The following NOL8 variants were observed in gnomAD, a reference collection of about 807,000 sequenced individuals.
NOL8 encodes the protein nucleolar protein Nop132.
NOL8 carries 93 observed loss-of-function variants against 116.1 expected under a neutral mutation model. That is an observed-to-expected ratio of 0.80 (90% CI 0.68 to 0.95). The LOEUF is 0.95. Among genes scored for constraint, NOL8 ranks in the 40% least tolerant of loss-of-function variants. The probability of loss-of-function intolerance (pLI) is 0.00; values close to 1 mark genes in which losing one functional copy is unlikely to be tolerated. For missense variants in NOL8, 1,291 were observed against 1,382.8 expected (o/e 0.93, Z 1.05); for synonymous variants, 419 against 469.0 (o/e 0.89, Z 1.38).
rs1564228094 is a variant in NOL8 at position 92,314,678 on chromosome 9, G to A, written c.1947C>T (p.Thr649=). 2 of 1,613,684 alleles carry A rather than the reference G, an allele frequency of 1.2e-6. No individual in the cohort carries two copies. Among genetic ancestry groups the A allele is most frequent in the South Asian group, 1.1e-5 (1 of 90,992 alleles). ...PNYIQPQKRQ[T]TFESQDRKAV... ...CCTTGCGATCCTGGCTTTCAAAAGT[G>A]GTCTGTCTTTTTTGAGGCTGAATAT... The change falls in exon 7 of 17, where the codon ACC becomes ACT. Residue 649 remains threonine, a synonymous_variant. Coordinates refer to ENST00000442668, the MANE Select transcript of NOL8 (RefSeq NM_017948.6).
At chr9:92,323,359 G>C (rs953991579) in intron 3 of NOL8, 82 bp downstream of exon 3, 16 of 1,542,312 alleles carry the variant, frequency 1.0e-5, no homozygotes, top group Non-Finnish European at 1.4e-5. Context: ...TGGCTGTGGA[G>C]GTTTAGATTT....
intron 4 of NOL8, chr9:92,320,002 C>A (rs766900629): frequency 2.2e-6 from 1 of 449,756 alleles, no homozygotes; most frequent in Non-Finnish European, 4.5e-6. Context: ...GACCATGGAT[C>A]GCAAGTTCTC....
chr9:92,323,933 G>C, intron 2 of NOL8, 90 bp downstream of exon 2: 1 of 1,410,026 alleles, frequency 7.1e-7, no homozygotes, highest in East Asian at 2.3e-5. Context: ...GGTGTTCAGA[G>C]CTAACATTTA....
At position 92,305,785 on chromosome 9, in the gene NOL8, G is replaced by T; in HGVS notation, c.2871C>A (p.Tyr957Ter). ...TTGGCTTATCATCTCTTTTTCTTTC[G>T]TAAGTGGCATGGTCTTGCTTCGTTG... ...YDPTKQDHAT[Y>*]ERKRDDKPKE... The change falls in exon 12 of 17, where the codon TAC (tyrosine) becomes TAA (stop). Residue 957 changes from tyrosine (Y) to a stop codon, truncating the protein, a stop_gained. Coordinates refer to ENST00000442668, the MANE Select transcript of NOL8 (RefSeq NM_017948.6). LOFTEE classifies it high-confidence loss of function. The T allele has an allele frequency of 6.2e-7, 1 of 1,612,180 alleles. No homozygotes were observed. The highest frequency in any genetic ancestry group is 8.5e-7 in the Non-Finnish European group (1 of 1,178,620).
chr9:92,303,805 A>G (rs575999213), intron 12 of NOL8, among the ~76,000 whole-genome samples: 2 of 152,302 alleles, frequency 1.3e-5, no homozygotes, highest in Admixed American at 6.5e-5. Flanking sequence ...CCCTGTCTCT[A>G]AGATTATACA....
intron 15 of NOL8, 197 bp from the exon 16 acceptor site, chr9:92,298,533 A>G: frequency 2.0e-6 from 1 of 510,712 alleles, no homozygotes; most frequent in Non-Finnish European, 3.4e-6. Flanking sequence ...TATATATATC[A>G]TTTACTATTA....
At chr9:92,318,278 A>T (rs888825384) in intron 6 of NOL8, among the ~76,000 whole-genome samples, 14 of 151,932 alleles carry the variant, frequency 9.2e-5, no homozygotes, top group Admixed American at 7.2e-4. Flanking sequence ...TTAATTCAAA[A>T]CCTACCTCAA....
chr9:92,318,108 A>T (rs1375710774), intron 6 of NOL8, among the ~76,000 whole-genome samples: 1 of 151,938 alleles, frequency 6.6e-6, no homozygotes, highest in Non-Finnish European at 1.5e-5. Context: ...ATTCCATGAT[A>T]CCAGGTCTTC....
chr9:92,304,456 T>C (rs548214967), intron 12 of NOL8, among the ~76,000 whole-genome samples: 1 of 152,234 alleles, frequency 6.6e-6, no homozygotes, highest in African/African-American at 2.4e-5. Flanking sequence ...AGAAGCCTCA[T>C]CTGTACTTAG....
At position 92,314,713 on chromosome 9, in the gene NOL8, CATTCGCCTTCTTTGCA is replaced by C; in HGVS notation, c.1896_1911del (p.His632GlnfsTer40). The C allele has an allele frequency of 6.2e-7, 1 of 1,613,726 alleles. No homozygotes were observed. The highest frequency in any genetic ancestry group is 8.5e-7 in the Non-Finnish European group (1 of 1,179,804). ...TTTTGAGGCTGAATATAGTTTGGGCCATTCGCCTTCTTTGCATGTTGGCATGGAGTCACTTCACCTA... is the reference window on the plus strand; with the variant it reads ...TTTTGAGGCTGAATATAGTTTGGGCCTGTTGGCATGGAGTCACTTCACCTA... On this transcript the variant is annotated frameshift_variant, in exon 7 of 17. Coordinates refer to ENST00000442668, the MANE Select transcript of NOL8 (RefSeq NM_017948.6). LOFTEE classifies it high-confidence loss of function.
intron 6 of NOL8, among the ~76,000 whole-genome samples, chr9:92,317,787 C>G (rs1240599677): frequency 6.6e-6 from 1 of 152,012 alleles, no homozygotes; most frequent in African/African-American, 2.4e-5. Flanking sequence ...GTAATCCCAG[C>G]TCTTTGGGAG....
rs921683456 is a variant in NOL8, at chr9:92,299,967, T to C, written c.3225A>G (p.Glu1075=). ...AACTGCTGTCTTGTAAACGAGGGTC[T>C]TCCTGCCAGACAATCTTTCCAGGTT... ...TVKPGKIVWQ[E]DPRLQDSSSE... Residue 1075 remains glutamate, a synonymous_variant, in exon 14 of 17, where the codon GAA becomes GAG. Transcript: ENST00000442668. 1 of 1,613,706 alleles carries C rather than the reference T, an allele frequency of 6.2e-7. No individual in the cohort carries two copies.
intron 6 of NOL8, among the ~76,000 whole-genome samples, chr9:92,317,967 A>C (rs1839569260): frequency 6.9e-6 from 1 of 144,850 alleles, no homozygotes; most frequent in Non-Finnish European, 1.5e-5. Context: ...CCCAGGAGGC[A>C]GAGGCTGCAG....
intron 4 of NOL8, among the ~76,000 whole-genome samples, chr9:92,320,954 C>G (rs547178226): frequency 3.9e-5 from 6 of 152,212 alleles, no homozygotes; most frequent in Non-Finnish European, 8.8e-5. Flanking sequence ...AACTCCCCAA[C>G]AATACCTTTT....
At chr9:92,316,680 G>T in intron 6 of NOL8, among the ~76,000 whole-genome samples, 1 of 152,112 alleles carries the variant, frequency 6.6e-6, no homozygotes, top group East Asian at 1.9e-4. Context: ...GCTGGCCTGG[G>T]CACGGTGGCT....
At position 92,314,929 on chromosome 9, in the gene NOL8, A is replaced by T. The variant is rs1490675706; in HGVS notation, c.1696T>A (p.Leu566Ile). 2.2e-5 allele frequency: 35 copies of T among 1,613,794 alleles called. No homozygotes were observed. The highest frequency in any genetic ancestry group is 2.7e-5 in the Non-Finnish European group (32 of 1,179,878). The part of the protein sequence containing the change: ...CGKQKPKENN[L>I]KPKFQAFKGV... ...TTGAAAGCCTGAAATTTTGGCTTTA[A>T]ATTGTTTTCCTTTGGTTTCTGTTTG... The change falls in exon 7 of 17, where the codon TTA (leucine) becomes ATA (isoleucine). Residue 566 changes from leucine to isoleucine, a missense_variant. Transcript: ENST00000442668.
chr9:92,300,409 A>G, intron 13 of NOL8: 1 of 988,948 alleles, frequency 1.0e-6, no homozygotes, highest in Non-Finnish European at 1.2e-6. Context: ...CTATTTATAA[A>G]TGAGAAAAGG....
rs1840194312 is a variant in NOL8 at position 92,324,013 on chromosome 9, C to T, written c.139+10G>A. ...TGCCTATAACTGCCCAGTGAAGGAC[C>T]ATAAATTACCTTGGTCATCTTTCCG... On this transcript the variant is annotated intron_variant, in intron 2 of 16. Transcript: ENST00000442668. 6.2e-7 allele frequency: 1 copy of T among 1,613,542 alleles called. No individual in the cohort carries two copies. Among genetic ancestry groups the T allele is most frequent in the Non-Finnish European group, 8.5e-7 (1 of 1,179,628 alleles).
chr9:92,315,480 T>C lies in NOL8; in HGVS notation c.1145A>G (p.Asp382Gly). The change falls in exon 7 of 17, where the codon GAT becomes GGT. Residue 382 changes from aspartate (D) to glycine (G), a missense_variant. Asp to Gly is a moderately conservative substitution (Grantham distance 94). Coordinates refer to ENST00000442668, the MANE Select transcript of NOL8 (RefSeq NM_017948.6). ...NDREYDSGDT[D>G]EIIAMKKNVA... ...ATTTTTTTTCATCGCAATAATTTCA[T>C]CTGTATCTCCTGAGTCATACTCACG... is the stretch of plus-strand genomic sequence containing the variant. 6.2e-7 allele frequency: 1 copy of C among 1,606,278 alleles called. No individual in the cohort carries two copies. Among genetic ancestry groups the C allele is most frequent in the Non-Finnish European group, 8.5e-7 (1 of 1,175,996 alleles).
Sources: gnomAD v4.1 joint callset for allele counts (sites outside exome capture counted in the v4.1 genomes callset) on GRCh38, gnomAD v4.1.1 for gene constraint, MANE v1.5 for transcripts, NCBI Gene and HGNC (gene_info 2026-07-23, HGNC 2026-07-21) for gene names.